The following OPCML variants were observed in gnomAD, a reference collection of about 807,000 sequenced individuals.
OPCML encodes the protein opioid-binding protein/cell adhesion molecule.
In OPCML, 13 loss-of-function variants were observed where a neutral mutation model predicts 37.8. The observed-to-expected ratio is 0.34, with a 90% CI of 0.22 to 0.55. The LOEUF is 0.55. Among genes scored for constraint, OPCML ranks in the 20% least tolerant of loss-of-function variants. The pLI is 0.91. For synonymous variants in OPCML, 176 were observed against 168.8 expected (o/e 1.04, Z -0.33); for missense variants, 341 against 435.6 (o/e 0.78, Z 1.93).
intron 1 of OPCML, among the ~76,000 whole-genome samples, chr11:133,444,119 G>A (rs1398151191): frequency 6.6e-6 from 1 of 152,004 alleles, no homozygotes; most frequent in Non-Finnish European, 1.5e-5. Flanking sequence ...TTTTCTAAAT[G>A]CTTCTCCATG....
chr11:133,322,862 T>C (rs1943365519), intron 1 of OPCML, among the ~76,000 whole-genome samples: 1 of 152,188 alleles, frequency 6.6e-6, no homozygotes, highest in South Asian at 2.1e-4. Context: ...GCCAGACACA[T>C]GATATCTGCC....
chr11:132,709,813 A>G (rs1299368157), intron 2 of OPCML, among the ~76,000 whole-genome samples: 1 of 152,190 alleles, frequency 6.6e-6, no homozygotes, highest in East Asian at 1.9e-4. Flanking sequence ...ACAATGATTG[A>G]TACGCGTCAG....
At chr11:133,519,993 C>G (rs1948365524) in intron 1 of OPCML, among the ~76,000 whole-genome samples, 2 of 152,152 alleles carry the variant, frequency 1.3e-5, no homozygotes, top group Admixed American at 6.5e-5. Flanking sequence ...TCTGCCCATA[C>G]AAAGTGAGGC....
chr11:132,581,371 C>T (rs1180506451), intron 3 of OPCML, among the ~76,000 whole-genome samples: 1 of 152,162 alleles, frequency 6.6e-6, no homozygotes, highest in Admixed American at 6.6e-5. Context: ...TGCAAAGGAC[C>T]TAGTCAGGTT....
chr11:132,465,040 C>T (rs950536046), intron 4 of OPCML, among the ~76,000 whole-genome samples: 1 of 152,052 alleles, frequency 6.6e-6, no homozygotes. Context: ...TTAACTTTTT[C>T]ATGAAATAGA....
At chr11:133,266,964 C>T (rs1393747273) in intron 1 of OPCML, among the ~76,000 whole-genome samples, 1 of 152,092 alleles carries the variant, frequency 6.6e-6, no homozygotes, top group East Asian at 1.9e-4. Flanking sequence ...CAGAGACTTG[C>T]CTGTCAATCT....
chr11:132,635,161 G>T (rs183523709), intron 3 of OPCML, among the ~76,000 whole-genome samples: 33 of 152,108 alleles, frequency 2.2e-4, no homozygotes, highest in Admixed American at 1.4e-3. Context: ...ATTATTTAGA[G>T]GTCTTTCTCC....
intron 2 of OPCML, among the ~76,000 whole-genome samples, chr11:132,849,888 C>G (rs1219740692): frequency 6.6e-6 from 1 of 152,222 alleles, no homozygotes; most frequent in Non-Finnish European, 1.5e-5. Context: ...AGATTTTCTT[C>G]TGAATGACTG....
intron 7 of OPCML, among the ~76,000 whole-genome samples, chr11:132,425,249 TAAAC>T (rs1164183075): frequency 2.6e-5 from 4 of 151,384 alleles, no homozygotes; most frequent in African/African-American, 9.8e-5. Context: ...ATTAAATAAA[TAAAC>T]AAATAAACAG....
intron 4 of OPCML, among the ~76,000 whole-genome samples, chr11:132,505,430 GA>G (rs1198596426): frequency 6.6e-6 from 1 of 152,102 alleles, no homozygotes; most frequent in Non-Finnish European, 1.5e-5. Flanking sequence ...TCGGCTTCCA[GA>G]ACCCTAATTA....
chr11:132,436,510 T>C lies in OPCML; in HGVS notation c.764+149A>G, dbSNP rs940685531. On this transcript the variant is annotated intron_variant, in intron 6 of 7. Coordinates refer to ENST00000524381, the MANE Select transcript of OPCML (RefSeq NM_001012393.5). ...CCAGCCTCCTCCATTTTTTTTCTCG[T>C]TGTAAAAATAGACTTTGTTACAAAA... is the stretch of plus-strand genomic sequence containing the variant. 4.9e-6 allele frequency: 7 copies of C among 1,431,610 alleles called. No homozygotes were observed. In the African/African-American group the frequency reaches 1.0e-4, roughly 21 times the overall value. 88.7% of individuals were successfully genotyped at this position (1,431,610 alleles called of 1,614,324 possible).
intron 4 of OPCML, among the ~76,000 whole-genome samples, chr11:132,521,238 T>C (rs1437612354): frequency 6.6e-6 from 1 of 152,184 alleles, no homozygotes; most frequent in Non-Finnish European, 1.5e-5. Flanking sequence ...TTTTTTATCT[T>C]GTAAATTTCT....
Position 133,174,276 on chromosome 11 carries a change from C to A in OPCML, c.62-231266G>T, listed in dbSNP as rs1050940192. On this transcript the variant is annotated intron_variant, in intron 1 of 7. Transcript: ENST00000524381. The surrounding 1 kb of genome is among the most constrained non-coding windows in gnomAD (Gnocchi z 4.6). ...GCATGATTAGAACCAAGCCTTCCTGCCAAACGTAGAGACCTGGAGAGAGAG... is the reference window on the plus strand; with the variant it reads ...GCATGATTAGAACCAAGCCTTCCTGACAAACGTAGAGACCTGGAGAGAGAG... Among the ~76,000 whole-genome samples the A allele has an allele frequency of 5.5e-4, 83 of 152,226 alleles. No individual in the cohort carries two copies. The highest frequency in any genetic ancestry group is 1.9e-3 in the African/African-American group (81 of 41,542).
chr11:133,176,829 T>C (rs767839163), intron 1 of OPCML, among the ~76,000 whole-genome samples: 5 of 152,236 alleles, frequency 3.3e-5, no homozygotes, highest in Non-Finnish European at 5.9e-5. Context: ...TCAGTCATAA[T>C]TGACCACACA....
intron 1 of OPCML, among the ~76,000 whole-genome samples, chr11:133,388,514 C>A (rs1033515165): frequency 1.4e-4 from 21 of 152,190 alleles, no homozygotes; most frequent in African/African-American, 5.1e-4. Flanking sequence ...GCAAGCACTT[C>A]TCTCAAGGGT....
intron 2 of OPCML, among the ~76,000 whole-genome samples, chr11:132,803,188 C>G (rs1033389505): frequency 6.6e-6 from 1 of 152,140 alleles, no homozygotes; most frequent in South Asian, 2.1e-4. Context: ...CATCTGTTCT[C>G]CCCTCCTCCT....
At chr11:133,266,826 G>T (rs749229837) in intron 1 of OPCML, among the ~76,000 whole-genome samples, 3 of 152,128 alleles carry the variant, frequency 2.0e-5, no homozygotes, top group African/African-American at 4.8e-5. Context: ...TATTGCTTTC[G>T]ATTAGAATCC....
At chr11:133,516,096 C>G (rs1033524023) in intron 1 of OPCML, among the ~76,000 whole-genome samples, 1 of 152,098 alleles carries the variant, frequency 6.6e-6, no homozygotes, top group Non-Finnish European at 1.5e-5. Context: ...AGAAGCTGGG[C>G]AGGAGCCATG....
At chr11:133,322,690 C>G (rs1029853302) in intron 1 of OPCML, among the ~76,000 whole-genome samples, 1 of 152,174 alleles carries the variant, frequency 6.6e-6, no homozygotes, top group African/African-American at 2.4e-5. Context: ...ATTGTTAAAA[C>G]TGACAATATA....
Sources: gnomAD v4.1 joint callset for allele counts (sites outside exome capture counted in the v4.1 genomes callset) on GRCh38, gnomAD v4.1.1 for gene constraint, Gnocchi (gnomAD v3.1) non-coding constraint, MANE v1.5 for transcripts, NCBI Gene and HGNC (gene_info 2026-07-23, HGNC 2026-07-21) for gene names.